The following NIPSNAP2 variants were observed in gnomAD, a reference collection of about 807,000 sequenced individuals.
The protein encoded by NIPSNAP2 is nipsnap homolog 2, also known as protein NipSnap homolog 2.
A neutral mutation model predicts 48.4 loss-of-function variants in NIPSNAP2; 42 were observed. The ratio of observed to expected loss-of-function variants is 0.87; its 90% CI spans 0.68 to 1.12. NIPSNAP2 has a LOEUF of 1.12. Ranked by LOEUF, NIPSNAP2 falls within the 50% of genes most tolerant of loss-of-function variation. The pLI is 0.00. For synonymous variants in NIPSNAP2, 158 were observed against 126.6 expected (o/e 1.25, Z -1.67); for missense variants, 314 against 347.3 (o/e 0.90, Z 0.76).
chr7:55,979,891 G>T, intron 3 of NIPSNAP2: 1 of 456,334 alleles, frequency 2.2e-6, no homozygotes, highest in South Asian at 1.5e-5. Context: ...ATTCAGGTAA[G>T]GCCAGGGCTC....
rs140882637 is a variant in NIPSNAP2, at chr7:55,982,979, C to T, written c.444+699C>T. ...CTCTACTAAAAATACAAAAATTAGCCGAGCATGGTGGTGCACAACTGTAAT... is the reference window on the plus strand; with the variant it reads ...CTCTACTAAAAATACAAAAATTAGCTGAGCATGGTGGTGCACAACTGTAAT... On this transcript the variant is annotated intron_variant, in intron 5 of 9. Transcript: ENST00000322090. Among the ~76,000 whole-genome samples the T allele has an allele frequency of 8.8e-3, 1,331 of 151,856 alleles. 21 individuals carry two copies. Among genetic ancestry groups the T allele is most frequent in the African/African-American group, 0.031 (1,269 of 41,400 alleles).
intron 6 of NIPSNAP2, among the ~76,000 whole-genome samples, chr7:55,984,509 G>A (rs1787286316): frequency 6.6e-6 from 1 of 152,230 alleles, no homozygotes; most frequent in South Asian, 2.1e-4. Context: ...CTGAGGTCAG[G>A]AGTTTGAGAC....
intron 8 of NIPSNAP2, among the ~76,000 whole-genome samples, chr7:55,995,931 C>T (rs903721665): frequency 1.3e-5 from 2 of 152,076 alleles, no homozygotes; most frequent in Admixed American, 1.3e-4. Flanking sequence ...TGAGCTATGA[C>T]TGTGCCACTG....
chr7:55,987,460 T>A (rs781707023), intron 7 of NIPSNAP2, among the ~76,000 whole-genome samples: 35 of 152,072 alleles, frequency 2.3e-4, no homozygotes, highest in Non-Finnish European at 4.7e-4. Flanking sequence ...AAACCCCGTC[T>A]CTACTAAAAA....
intron 1 of NIPSNAP2, among the ~76,000 whole-genome samples, chr7:55,974,832 A>G (rs575072024): frequency 2.1e-5 from 3 of 141,372 alleles, no homozygotes; most frequent in African/African-American, 7.8e-5. Flanking sequence ...TGGGCAACAG[A>G]GCGCGACTCT....
intron 1 of NIPSNAP2, among the ~76,000 whole-genome samples, chr7:55,974,022 C>A (rs554496289): frequency 6.6e-6 from 1 of 151,830 alleles, no homozygotes. Context: ...GCCAGGAATT[C>A]GAGACCAACC....
intron 9 of NIPSNAP2, 134 bp downstream of exon 9, chr7:55,997,583 G>T: frequency 1.6e-6 from 1 of 617,976 alleles, no homozygotes; most frequent in Non-Finnish European, 2.8e-6. Context: ...TGGGGGGAAG[G>T]GAGATAGTCA....
At position 55,978,413 on chromosome 7, in the gene NIPSNAP2, T is replaced by C. The variant is rs756616506; in HGVS notation, c.278+18T>C. On this transcript the variant is annotated intron_variant, in intron 3 of 9. Coordinates refer to ENST00000322090, the MANE Select transcript of NIPSNAP2 (RefSeq NM_001483.3). ...AAAATTTGGTGTGTATACCAAACTA[T>C]CCTTTACTTGGGGAAAAATAATGAC... 2 of 1,595,074 alleles carry C rather than the reference T, an allele frequency of 1.3e-6. No individual in the cohort carries two copies. The highest frequency in any genetic ancestry group is 1.1e-5 in the South Asian group (1 of 88,202).
At chr7:55,976,180 CTCTG>C (rs1269865662) in intron 1 of NIPSNAP2, among the ~76,000 whole-genome samples, 1 of 145,394 alleles carries the variant, frequency 6.9e-6, no homozygotes, top group Non-Finnish European at 1.6e-5. Flanking sequence ...TAACAGCTCA[CTCTG>C]TATGTGTATA....
At chr7:55,966,573 A>G (rs1168785278) in intron 1 of NIPSNAP2, among the ~76,000 whole-genome samples, 1 of 152,150 alleles carries the variant, frequency 6.6e-6, no homozygotes, top group East Asian at 1.9e-4. Context: ...GCTTGAGCTC[A>G]GGAGTTCGAG....
chr7:55,967,101 G>A (rs1323962083), intron 1 of NIPSNAP2, among the ~76,000 whole-genome samples: 2 of 152,274 alleles, frequency 1.3e-5, no homozygotes, highest in African/African-American at 4.8e-5. Context: ...GTGCTGCTCA[G>A]CAGCAAGCTT....
chr7:55,994,831 C>A, intron 7 of NIPSNAP2, 63 bp from the exon 8 acceptor site: 2 of 1,365,680 alleles, frequency 1.5e-6, no homozygotes, highest in Non-Finnish European at 2.1e-6. Context: ...AAGGTTTAGT[C>A]TACCGATTCT....
chr7:55,989,206 A>T (rs1787394094), intron 7 of NIPSNAP2, among the ~76,000 whole-genome samples: 1 of 152,212 alleles, frequency 6.6e-6, no homozygotes, highest in South Asian at 2.1e-4. Context: ...CTTAAATTCA[A>T]AACACAAGAA....
intron 1 of NIPSNAP2, among the ~76,000 whole-genome samples, chr7:55,973,887 C>CATCAT (rs1250156458): frequency 6.6e-6 from 1 of 152,086 alleles, no homozygotes; most frequent in Non-Finnish European, 1.5e-5. Flanking sequence ...ATTAAAAGAA[C>CATCAT]ATCATATTGG....
intron 1 of NIPSNAP2, among the ~76,000 whole-genome samples, chr7:55,968,631 C>A (rs1001554080): frequency 6.6e-6 from 1 of 152,118 alleles, no homozygotes; most frequent in Non-Finnish European, 1.5e-5. Flanking sequence ...GTGATCTGCC[C>A]GCCTTGGCCT....
Position 55,964,645 on chromosome 7 carries a change from C to G in NIPSNAP2, c.36C>G (p.Ala12=), listed in dbSNP as rs1786851579. The G allele has an allele frequency of 1.8e-6, 2 of 1,089,824 alleles. No individual in the cohort carries two copies. The highest frequency in any genetic ancestry group is 5.2e-5 in the Admixed American group (1 of 19,156). 67.5% of individuals were successfully genotyped at this position (1,089,824 alleles called of 1,614,324 possible). A position where few individuals can be genotyped will look rare whatever the true frequency, so the allele number is the denominator to read the frequency against. ...GAGTGCTGCGCGCCCGCGGAGCGGC[C>G]TGGGCCGGCGGCCTCCTGCAGCGGG... ...AARVLRARGA[A]WAGGLLQRAA... The change falls in exon 1 of 10, where the codon GCC becomes GCG. Residue 12 remains alanine (A), a synonymous_variant. Transcript: ENST00000322090.
chr7:55,970,074 C>T (rs939065789), intron 1 of NIPSNAP2, among the ~76,000 whole-genome samples: 3 of 151,744 alleles, frequency 2.0e-5, no homozygotes, highest in Non-Finnish European at 4.4e-5. Context: ...CCTTTCCCTT[C>T]TTCAGTTTCC....
At chr7:55,973,153 T>C (rs575350826) in intron 1 of NIPSNAP2, among the ~76,000 whole-genome samples, 27 of 152,256 alleles carry the variant, frequency 1.8e-4, no homozygotes, top group African/African-American at 6.5e-4. Flanking sequence ...AGACATTATA[T>C]GGAGAAAGCT....
intron 3 of NIPSNAP2, chr7:55,979,222 C>G (rs1322331602): frequency 1.3e-5 from 2 of 152,428 alleles, no homozygotes; most frequent in Admixed American, 1.3e-4. Flanking sequence ...CAGCACATTT[C>G]TCTTTATTAA....
Sources: allele counts gnomAD v4.1 joint callset (sites outside exome capture counted in the v4.1 genomes callset), GRCh38; gene constraint gnomAD v4.1.1; transcripts MANE v1.5; gene names NCBI Gene and HGNC (gene_info 2026-07-23, HGNC 2026-07-21).